POR: variants seen among roughly 807,000 people sequenced by gnomAD.
The protein encoded by POR is cytochrome p450 oxidoreductase.
A neutral mutation model predicts 84.0 loss-of-function variants in POR; 56 were observed. That is an observed-to-expected ratio of 0.67 (90% CI 0.54 to 0.83). The LOEUF (loss-of-function observed/expected upper bound fraction) is 0.83. POR is among the 40% of genes least tolerant of loss of function. POR has a pLI of 0.00. For synonymous variants in POR, 414 were observed against 400.5 expected (o/e 1.03, Z -0.40); for missense variants, 938 against 944.3 (o/e 0.99, Z 0.09).
intron 1 of POR, among the ~76,000 whole-genome samples, chr7:75,940,640 C>T (rs1455409294): frequency 1.3e-5 from 2 of 151,424 alleles, no homozygotes; most frequent in African/African-American, 2.4e-5. Flanking sequence ...AAAAATTAGC[C>T]GGGTGTGGTG....
At chr7:75,979,638 T>G in intron 4 of POR, 59 bp downstream of exon 4, 1 of 1,592,544 alleles carries the variant, frequency 6.3e-7, no homozygotes, top group South Asian at 1.1e-5. Flanking sequence ...AGGGAGCAGG[T>G]CTGTAGGGCG....
intron 1 of POR, among the ~76,000 whole-genome samples, chr7:75,929,946 A>AC (rs1362693883): frequency 2.0e-5 from 3 of 152,140 alleles, no homozygotes; most frequent in African/African-American, 7.2e-5. Flanking sequence ...GAGTTGGGTC[A>AC]CCCCTTCCTT....
At chr7:75,943,985 T>C (rs1787068144) in intron 1 of POR, 1 of 414,782 alleles carries the variant, frequency 2.4e-6, no homozygotes, top group African/African-American at 2.1e-5. Flanking sequence ...ACCTCGACTC[T>C]TCAAGGAAGC....
chr7:75,975,067 A>G (rs1222325485), intron 3 of POR, among the ~76,000 whole-genome samples: 1 of 152,082 alleles, frequency 6.6e-6, no homozygotes, highest in Admixed American at 6.6e-5. Context: ...TTACAGAGTC[A>G]CCTATATGAT....
intron 3 of POR, among the ~76,000 whole-genome samples, chr7:75,976,989 C>G (rs1482282316): frequency 4.6e-5 from 7 of 152,066 alleles, no homozygotes; most frequent in African/African-American, 1.7e-4. Context: ...TAGCTAGAAC[C>G]ATAGGCATGC....
At chr7:75,980,912 C>T (rs1029555789) in intron 5 of POR, 136 bp from the exon 6 acceptor site, 85 of 1,179,292 alleles carry the variant, frequency 7.2e-5, no homozygotes, top group Non-Finnish European at 6.1e-5. Context: ...CAGTGCGAGG[C>T]GCCTGGTGGA....
At chr7:75,936,122 C>T (rs1356953006) in intron 1 of POR, among the ~76,000 whole-genome samples, 11 of 126,528 alleles carry the variant, frequency 8.7e-5, no homozygotes, top group South Asian at 5.2e-4. Context: ...GAGATGGTCT[C>T]GCTCTGTCAC....
rs28931608 is a variant in POR at position 75,985,179 on chromosome 7, G to C, written c.1370G>C (p.Arg457Pro). ...GAGCTGCTGCCGCGCCTGCAGGCCC[G>C]CTACTACTCCATCGCCTCATCCTCC... Residue 457 changes from arginine to proline, a missense_variant, in exon 12 of 16, where the codon CGC (arginine) becomes CCC (proline). Transcript: ENST00000461988. 1 of 1,597,406 alleles carries C rather than the reference G, an allele frequency of 6.3e-7. No homozygotes were observed. Among genetic ancestry groups the C allele is most frequent in the Non-Finnish European group, 8.5e-7 (1 of 1,178,376 alleles).
intron 1 of POR, among the ~76,000 whole-genome samples, chr7:75,953,585 A>C (rs1787548426): frequency 6.6e-6 from 1 of 152,086 alleles, no homozygotes; most frequent in South Asian, 2.1e-4. Flanking sequence ...AGCTGGGGAA[A>C]GGGTTTGCTG....
At chr7:75,968,292 G>A (rs781844939) in intron 2 of POR, 28 of 467,912 alleles carry the variant, frequency 6.0e-5, no homozygotes, top group South Asian at 4.0e-4. Context: ...GCCATTCCCA[G>A]GGTTGCTGCC....
In POR at chr7:75,983,538, T is replaced by A. The variant is rs781886128; in HGVS notation, c.849T>A (p.Asn283Lys). The change falls in exon 9 of 16, where the codon AAT becomes AAA. Residue 283 changes from asparagine (N) to lysine (K), a missense_variant. Physicochemically the swap from Asn to Lys is moderately conservative, Grantham distance 94. Transcript: ENST00000461988. ...CACCCAGCCCCTTTGATGCCAAGAA[T>A]CCGTTCCTGGCTGCAGTCACCACCA... 1 of 1,612,742 alleles carries A rather than the reference T, an allele frequency of 6.2e-7. No homozygotes were observed. Among genetic ancestry groups the A allele is most frequent in the Non-Finnish European group, 8.5e-7 (1 of 1,179,652 alleles).
chr7:75,960,191 TGAGGTGA>T (rs1563417638), intron 2 of POR, among the ~76,000 whole-genome samples: 1 of 152,118 alleles, frequency 6.6e-6, no homozygotes, highest in East Asian at 1.9e-4. Context: ...CTCAGGAGGC[TGAGGTGA>T]GAGGATCACC....
chr7:75,949,809 C>T (rs239954), intron 1 of POR, among the ~76,000 whole-genome samples: 31,344 of 151,602 alleles, frequency 0.21, 5,135 homozygotes, highest in African/African-American at 0.45. Flanking sequence ...TGTGAGCCAC[C>T]GTGCCCAGCC....
chr7:75,949,890 G>A (rs113069525), intron 1 of POR, among the ~76,000 whole-genome samples: 16 of 148,338 alleles, frequency 1.1e-4, no homozygotes, highest in African/African-American at 2.7e-4. Flanking sequence ...ATGGAATCTC[G>A]CTCTGTCGCC....
chr7:75,978,547 G>A (rs1311047494), intron 3 of POR, among the ~76,000 whole-genome samples: 1 of 152,172 alleles, frequency 6.6e-6, no homozygotes, highest in African/African-American at 2.4e-5. Flanking sequence ...TTTTGTGATG[G>A]AGTTTTGCTC....
intron 2 of POR, 76 bp from the exon 3 acceptor site, chr7:75,972,337 A>G (rs1788478059): frequency 7.5e-7 from 1 of 1,337,436 alleles, no homozygotes; most frequent in African/African-American, 1.4e-5. Flanking sequence ...CCTGCATCTA[A>G]GGACACCCAC....
chr7:75,971,729 C>A (rs552926830), intron 2 of POR, among the ~76,000 whole-genome samples: 12 of 152,136 alleles, frequency 7.9e-5, no homozygotes, highest in African/African-American at 2.9e-4. Context: ...GACCCTTGCG[C>A]AGGACCTTGA....
chr7:75,947,492 A>C (rs1787231106), intron 1 of POR, among the ~76,000 whole-genome samples: 1 of 151,976 alleles, frequency 6.6e-6, no homozygotes, highest in South Asian at 2.1e-4. Context: ...ACGGGGTTTC[A>C]CCATGTTGGC....
chr7:75,965,122 A>G (rs1048720640), intron 2 of POR, among the ~76,000 whole-genome samples: 1 of 152,194 alleles, frequency 6.6e-6, no homozygotes, highest in East Asian at 1.9e-4. Flanking sequence ...CGGTGGCCCC[A>G]TGAAGCGCCA....
Sources: allele counts gnomAD v4.1 joint callset (sites outside exome capture counted in the v4.1 genomes callset), GRCh38; gene constraint gnomAD v4.1.1; transcripts MANE v1.5; gene names NCBI Gene and HGNC (gene_info 2026-07-23, HGNC 2026-07-21).